LARP1B: variants seen among roughly 807,000 people sequenced by gnomAD.
The protein encoded by LARP1B is la-related protein 1B.
In LARP1B, 76 loss-of-function variants were observed where a neutral mutation model predicts 114.2. That is an observed-to-expected ratio of 0.67 (90% confidence interval 0.55 to 0.81). The LOEUF (loss-of-function observed/expected upper bound fraction) is 0.81. Among genes scored for constraint, LARP1B ranks in the 30% least tolerant of loss-of-function variants. The pLI is 0.00. For missense variants in LARP1B, 1,014 were observed against 1,075.8 expected (o/e 0.94, Z 0.80); for synonymous variants, 345 against 348.0 (o/e 0.99, Z 0.10).
chr4:128,105,354 T>A (rs1781712360), intron 8 of LARP1B, among the ~76,000 whole-genome samples: 1 of 152,200 alleles, frequency 6.6e-6, no homozygotes, highest in African/African-American at 2.4e-5. Context: ...TTGGTAGTTT[T>A]TGACATTCAT....
At chr4:128,086,375 G>A (rs147795997) in intron 5 of LARP1B, among the ~76,000 whole-genome samples, 19 of 151,888 alleles carry the variant, frequency 1.3e-4, no homozygotes, top group Non-Finnish European at 2.4e-4. Context: ...TGTCTTCCAG[G>A]CTAAGTGCAA....
chr4:128,061,776 C>T, intron 1 of LARP1B: 1 of 984,890 alleles, frequency 1.0e-6, no homozygotes, highest in Non-Finnish European at 1.2e-6. Context: ...TCGCTGTTGG[C>T]CGCGGCGAAC....
intron 12 of LARP1B, 98 bp from the exon 13 acceptor site, chr4:128,176,771 GGAT>G (rs923907527): frequency 9.3e-7 from 1 of 1,073,948 alleles, no homozygotes; most frequent in African/African-American, 1.6e-5. Flanking sequence ...GGCATCTATG[GGAT>G]GATATGTAAG....
intron 4 of LARP1B, among the ~76,000 whole-genome samples, chr4:128,081,000 A>G (rs768346891): frequency 1.2e-4 from 19 of 152,124 alleles, no homozygotes; most frequent in Non-Finnish European, 2.8e-4. Flanking sequence ...CTAAAGCCTA[A>G]GAATTTTAAA....
chr4:128,114,625 T>A lies in LARP1B; in HGVS notation c.1044T>A (p.Ser348Arg), dbSNP rs756763794. The change falls in exon 10 of 20, where the codon AGT becomes AGA. Residue 348 changes from serine (S) to arginine (R), a missense_variant. Transcript: ENST00000326639. ...GCCCATTGAGCCCAAAGAAAAACAG[T>A]GAAACAAGTATTCTTCAAGCAATGT... ...IGSPLSPKKN[S>R]ETSILQAMSR... 5.6e-6 allele frequency: 9 copies of A among 1,613,840 alleles called. No individual in the cohort carries two copies. The highest frequency in any genetic ancestry group is 1.1e-5 in the South Asian group (1 of 91,048).
intron 15 of LARP1B, among the ~76,000 whole-genome samples, chr4:128,190,637 C>A (rs1324524068): frequency 6.6e-6 from 1 of 152,112 alleles, no homozygotes; most frequent in South Asian, 2.1e-4. Context: ...TTCACACATA[C>A]TCTCTCTCAC....
At chr4:128,128,688 T>C (rs1790456819) in intron 11 of LARP1B, among the ~76,000 whole-genome samples, 1 of 152,204 alleles carries the variant, frequency 6.6e-6, no homozygotes, top group Non-Finnish European at 1.5e-5. Flanking sequence ...TTTCTTCTAG[T>C]AAGTGCCTCT....
intron 9 of LARP1B, among the ~76,000 whole-genome samples, chr4:128,112,767 C>T (rs2149874914): frequency 6.6e-6 from 1 of 152,266 alleles, no homozygotes; most frequent in South Asian, 2.1e-4. Flanking sequence ...AGCCACCACG[C>T]CCAGCTGTGC....
chr4:128,093,314 T>C (rs1309422641), intron 7 of LARP1B, among the ~76,000 whole-genome samples: 2 of 152,126 alleles, frequency 1.3e-5, no homozygotes, highest in Admixed American at 6.6e-5. Flanking sequence ...AAAGTTTTCC[T>C]GGCCAGGTGC....
At chr4:128,065,365 C>CTTTCTT (rs1762395226) in intron 1 of LARP1B, among the ~76,000 whole-genome samples, 1 of 123,298 alleles carries the variant, frequency 8.1e-6, no homozygotes, top group Non-Finnish European at 1.7e-5. Flanking sequence ...CTTTTCTTTT[C>CTTTCTT]TTTTCTTTTC....
rs1391876618 is a variant in LARP1B at position 128,065,255 on chromosome 4, TTCTTTCTTTC to T, written c.-78+3856_-78+3865del. Among the ~76,000 whole-genome samples, 305 of 57,516 alleles carry T rather than the reference TTCTTTCTTTC, an allele frequency of 5.3e-3. 5 individuals are homozygous for T. Among genetic ancestry groups the T allele is most frequent in the African/African-American group, 0.013 (240 of 18,902 alleles). 37.7% of individuals were successfully genotyped at this position (57,516 alleles called of 152,430 possible). A position where few individuals can be genotyped will look rare whatever the true frequency, so the allele number is the denominator to read the frequency against. On this transcript the variant is annotated intron_variant, in intron 1 of 19. Coordinates refer to ENST00000326639, the MANE Select transcript of LARP1B (RefSeq NM_018078.4). ...TCTGCACTGTTCTCCCACAATTAAT[TTCTTTCTTTC>T]TTTCTTTCTTTCTTTCTTTCTTTCT...
intron 12 of LARP1B, 124 bp downstream of exon 12, chr4:128,162,441 G>A: frequency 1.2e-6 from 1 of 842,682 alleles, no homozygotes; most frequent in East Asian, 2.7e-5. Flanking sequence ...TAAAATGCTA[G>A]AATTTTAAAA....
At chr4:128,174,392 C>A (rs1326029397) in intron 12 of LARP1B, among the ~76,000 whole-genome samples, 2 of 151,706 alleles carry the variant, frequency 1.3e-5, no homozygotes, top group Non-Finnish European at 2.9e-5. Flanking sequence ...TATGTTCTTG[C>A]AATGAATATT....
intron 8 of LARP1B, among the ~76,000 whole-genome samples, chr4:128,103,495 T>C (rs1295714679): frequency 6.6e-6 from 1 of 152,056 alleles, no homozygotes; most frequent in Non-Finnish European, 1.5e-5. Context: ...CCTCCTGAGA[T>C]AGTTTGTTTA....
exon 8 of LARP1B, chr4:128,222,411 A>C: frequency 2.2e-6 from 1 of 456,516 alleles, no homozygotes; most frequent in Non-Finnish European, 4.4e-6. Flanking sequence ...GGATATGAGA[A>C]TCTGCCTTCC....
At chr4:128,091,318 T>G (rs565755725) in intron 6 of LARP1B, 29 bp from the exon 7 acceptor site, 1 of 1,584,470 alleles carries the variant, frequency 6.3e-7, no homozygotes, top group East Asian at 2.2e-5. Flanking sequence ...AATATGTGAT[T>G]ACCTTTCTTT....
At chr4:128,092,591 T>G (rs1180012384) in intron 7 of LARP1B, among the ~76,000 whole-genome samples, 1 of 152,192 alleles carries the variant, frequency 6.6e-6, no homozygotes, top group Non-Finnish European at 1.5e-5. Flanking sequence ...AAAGGGCTAT[T>G]TTTGAAAGGG....
At chr4:128,115,693 C>T (rs1012464079) in intron 10 of LARP1B, among the ~76,000 whole-genome samples, 32 of 152,254 alleles carry the variant, frequency 2.1e-4, no homozygotes, top group Non-Finnish European at 4.3e-4. Context: ...CTCGCTCTGT[C>T]GCCCAGGCTG....
rs929868818 is a variant in LARP1B, at chr4:128,210,575, A to G, written c.*522A>G. ...ATGTTTTTTAAATTCAAAAAAGAAT[A>G]TGAAATTATACCTTTAGTATCCCTT... On this transcript the variant is annotated 3_prime_UTR_variant, in exon 20 of 20. Coordinates refer to ENST00000326639, the MANE Select transcript of LARP1B (RefSeq NM_018078.4). 4 of 940,512 alleles carry G rather than the reference A, an allele frequency of 4.3e-6. No individual in the cohort carries two copies. The highest frequency in any genetic ancestry group is 1.8e-5 in the African/African-American group (1 of 56,300). 58.3% of individuals were successfully genotyped at this position (940,512 alleles called of 1,614,324 possible). A position where few individuals can be genotyped will look rare whatever the true frequency, so the allele number is the denominator to read the frequency against.
Sources: gnomAD v4.1 joint callset for allele counts (sites outside exome capture counted in the v4.1 genomes callset) on GRCh38, gnomAD v4.1.1 for gene constraint, MANE v1.5 for transcripts, NCBI Gene and HGNC (gene_info 2026-07-23, HGNC 2026-07-21) for gene names.